Variants in SPEN observed in about 807,000 individuals in gnomAD.
SPEN encodes the protein msx2-interacting protein.
A neutral mutation model predicts 269.9 loss-of-function variants in SPEN; 18 were observed. The observed-to-expected ratio is 0.07, with a 90% CI of 0.05 to 0.10. The LOEUF (loss-of-function observed/expected upper bound fraction) is 0.10. Among genes scored for constraint, SPEN ranks in the 10% least tolerant of loss-of-function variants. The pLI is 1.00. For missense variants in SPEN, 3,822 were observed against 4,631.2 expected (o/e 0.83, Z 5.07); for synonymous variants, 1,726 against 1,765.7 (o/e 0.98, Z 0.56).
intron 3 of SPEN, among the ~76,000 whole-genome samples, chr1:15,884,111 G>A (rs1454945449): frequency 6.6e-6 from 1 of 151,946 alleles, no homozygotes; most frequent in African/African-American, 2.4e-5. Context: ...CGCTCGGCTT[G>A]TTTTATGGGT....
At chr1:15,866,651 C>G (rs2070514985) in intron 1 of SPEN, among the ~76,000 whole-genome samples, 1 of 152,130 alleles carries the variant, frequency 6.6e-6, no homozygotes, top group Non-Finnish European at 1.5e-5. Flanking sequence ...CCGCGCCCGG[C>G]TGGAATACAT....
rs769313994 is a variant in SPEN at position 15,929,366 on chromosome 1, A to G, written c.3126A>G (p.Lys1042=). 8.1e-6 allele frequency: 13 copies of G among 1,613,252 alleles called. No homozygotes were observed. The highest frequency in any genetic ancestry group is 1.1e-5 in the Non-Finnish European group (13 of 1,179,744). Residue 1042 remains lysine, a synonymous_variant, in exon 11 of 15, where the codon AAA becomes AAG. Coordinates refer to ENST00000375759, the MANE Select transcript of SPEN (RefSeq NM_015001.3). The surrounding 1 kb of genome is among the most constrained non-coding windows in gnomAD (Gnocchi z 5.8). ...AGGCTGAAAGAAAGCCTGTGAGGAA[A>G]GAAATTCTTAAAAGAGAATCTAAAA... ...EGEAERKPVR[K]EILKRESKKI...
In SPEN at chr1:15,937,167, C is replaced by A. The variant is rs2071283919; in HGVS notation, c.10031C>A (p.Pro3344His). 1 of 1,610,006 alleles carries A rather than the reference C, an allele frequency of 6.2e-7. No individual in the cohort carries two copies. Among genetic ancestry groups the A allele is most frequent in the Admixed American group, 1.7e-5 (1 of 59,884 alleles). The change falls in exon 12 of 15, where the codon CCT (proline) becomes CAT (histidine). Residue 3344 changes from proline to histidine, a missense_variant. Coordinates refer to ENST00000375759, the MANE Select transcript of SPEN (RefSeq NM_015001.3). This position sits in a 1 kb window ranked among gnomAD's most constrained non-coding sequence, Gnocchi z 5.7. ...TGCCTTCCTTCCCTACACCAGGGCC[C>A]TCCTCCTGAAGGTGAGCCCCTGCAG... ...PSRTKTAAQG[P>H]PPEGEPLQPP...
chr1:15,866,390 G>C (rs2070509709), intron 1 of SPEN, among the ~76,000 whole-genome samples: 1 of 152,202 alleles, frequency 6.6e-6, no homozygotes, highest in African/African-American at 2.4e-5. Flanking sequence ...GTCTCACTCT[G>C]TTTCCCAGGC....
intron 6 of SPEN, among the ~76,000 whole-genome samples, chr1:15,918,153 T>C (rs1433964518): frequency 6.6e-6 from 1 of 152,242 alleles, no homozygotes; most frequent in Middle Eastern, 3.2e-3. Flanking sequence ...TATTTATTTA[T>C]TTATTTATTG....
chr1:15,901,629 G>A (rs1444503307), intron 3 of SPEN, among the ~76,000 whole-genome samples: 8 of 122,894 alleles, frequency 6.5e-5, no homozygotes, highest in South Asian at 2.7e-4. Flanking sequence ...CAGCCTGGGT[G>A]ACAAAGTGAG....
chr1:15,919,826 T>G (rs954742101), intron 8 of SPEN, among the ~76,000 whole-genome samples: 1 of 152,216 alleles, frequency 6.6e-6, no homozygotes, highest in African/African-American at 2.4e-5. Flanking sequence ...TTAGATAGTC[T>G]GACTATATAG....
At position 15,876,473 on chromosome 1, in the gene SPEN, C is replaced by G; in HGVS notation, c.676C>G (p.Arg226Gly). 2 of 1,614,036 alleles carry G rather than the reference C, an allele frequency of 1.2e-6. No homozygotes were observed. Among genetic ancestry groups the G allele is most frequent in the Non-Finnish European group, 1.7e-6 (2 of 1,180,002 alleles). ...HRDIYRDDITREVRGRRPERN... is the reference protein window; with the variant it reads ...HRDIYRDDITGEVRGRRPERN... The stretch of plus-strand genomic sequence containing the variant: ...GGATATCTACAGGGATGATATTACC[C>G]GGGAGGTACGAGGCAGAAGGCCAGA... Residue 226 changes from arginine (R) to glycine (G), a missense_variant, in exon 3 of 15, where the codon CGG becomes GGG. Around this residue, in one of 16 missense-constraint regions of SPEN, gnomAD observed 327 missense variants for 350.8 expected, o/e 0.93. Coordinates refer to ENST00000375759, the MANE Select transcript of SPEN (RefSeq NM_015001.3).
At chr1:15,889,164 CTTTTT>C (rs56721891) in intron 3 of SPEN, among the ~76,000 whole-genome samples, 2 of 124,928 alleles carry the variant, frequency 1.6e-5, no homozygotes, top group African/African-American at 6.3e-5. Context: ...CTTTTCTTTT[CTTTTT>C]TTTTTTTTTT....
chr1:15,870,775 G>A (rs2070565274), intron 1 of SPEN, among the ~76,000 whole-genome samples: 1 of 152,064 alleles, frequency 6.6e-6, no homozygotes, highest in Admixed American at 6.6e-5. Flanking sequence ...AGAATTCCTT[G>A]GATTTTAGCA....
At chr1:15,860,899 C>CTTTTGTTTTG (rs768720695) in intron 1 of SPEN, among the ~76,000 whole-genome samples, 2 of 151,450 alleles carry the variant, frequency 1.3e-5, no homozygotes, top group Non-Finnish European at 1.5e-5. Context: ...TGTGCCCGGA[C>CTTTTGTTTTG]TTTTGTTTTG....
In SPEN at chr1:15,928,974, G is replaced by T; in HGVS notation, c.2734G>T (p.Ala912Ser). ...TGATAATGACACTGTCAAATCTTCT[G>T]CCCTGGACCAGAAACTTCAGGTCTC... ...KLDNDTVKSSALDQKLQVSQT... is the reference protein window; with the variant it reads ...KLDNDTVKSSSLDQKLQVSQT... Residue 912 changes from alanine (A) to serine (S), a missense_variant, in exon 11 of 15, where the codon GCC (alanine) becomes TCC (serine). Ala to Ser is a moderately conservative substitution (Grantham distance 99, BLOSUM62 1). This residue lies in a region of SPEN where 572 missense variants were observed against 582.6 expected (regional missense o/e 0.98). Coordinates refer to ENST00000375759, the MANE Select transcript of SPEN (RefSeq NM_015001.3). The surrounding 1 kb of genome is among the most constrained non-coding windows in gnomAD (Gnocchi z 5.7). 6.2e-7 allele frequency: 1 copy of T among 1,614,228 alleles called. No homozygotes were observed. The highest frequency in any genetic ancestry group is 8.5e-7 in the Non-Finnish European group (1 of 1,180,042).
At chr1:15,873,895 T>C (rs1156840714) in intron 2 of SPEN, 1 of 1,134,900 alleles carries the variant, frequency 8.8e-7, no homozygotes, top group African/African-American at 1.6e-5. Context: ...AGAGGATTAC[T>C]ATATCATTTC....
At chr1:15,925,150 T>C (rs2071154263) in intron 10 of SPEN, among the ~76,000 whole-genome samples, 1 of 152,206 alleles carries the variant, frequency 6.6e-6, no homozygotes, top group African/African-American at 2.4e-5. Flanking sequence ...TAACCCTTTT[T>C]ATGGAAGGAA....
chr1:15,848,878 G>C lies in SPEN; in HGVS notation c.83+728G>C, dbSNP rs1221977809. Among the ~76,000 whole-genome samples, 1 of 152,130 alleles carries C rather than the reference G, an allele frequency of 6.6e-6. No homozygotes were observed. Among genetic ancestry groups the C allele is most frequent in the African/African-American group, 2.4e-5 (1 of 41,432 alleles). On this transcript the variant is annotated intron_variant, in intron 1 of 14. Coordinates refer to ENST00000375759, the MANE Select transcript of SPEN (RefSeq NM_015001.3). The surrounding 1 kb of genome is among the most constrained non-coding windows in gnomAD (Gnocchi z 5.1). ...GAGGTTGCTAGCCCCGGCGCCCGTA[G>C]CCTCGGGTCGCACTCCCAGGCCGCC...
intron 1 of SPEN, among the ~76,000 whole-genome samples, chr1:15,853,424 C>T (rs895967783): frequency 2.1e-4 from 32 of 151,044 alleles, no homozygotes; most frequent in Non-Finnish European, 2.8e-4. Context: ...TGACCTCAGG[C>T]GACCCACCTG....
rs767634168 is a variant in SPEN at position 15,935,390 on chromosome 1, C to G, written c.9150C>G (p.Leu3050=). 58 of 1,614,044 alleles carry G rather than the reference C, an allele frequency of 3.6e-5. No individual in the cohort carries two copies. The East Asian group carries it at 1.2e-3, about 35-fold the overall frequency. The change falls in exon 11 of 15, where the codon CTC becomes CTG. Residue 3050 remains leucine (L), a synonymous_variant. Coordinates refer to ENST00000375759, the MANE Select transcript of SPEN (RefSeq NM_015001.3). The surrounding 1 kb of genome is among the most constrained non-coding windows in gnomAD (Gnocchi z 7.7). ...CCAGCAGTACTGCATCTACGGCGCT[C>G]TCCACCAACGCCACAGTCATGCTGG... ...SHPSSTASTA[L]STNATVMLAA...
intron 3 of SPEN, among the ~76,000 whole-genome samples, chr1:15,906,959 G>A (rs1467549438): frequency 6.6e-6 from 1 of 151,000 alleles, no homozygotes; most frequent in African/African-American, 2.4e-5. Flanking sequence ...TTTTTCTTTT[G>A]TAGGGGATGG....
chr1:15,874,337 C>T lies in SPEN; in HGVS notation c.404+1201C>T, dbSNP rs771433486. The T allele has an allele frequency of 6.6e-6, 9 of 1,366,422 alleles. No homozygotes were observed. In the South Asian group the frequency reaches 9.1e-5, roughly 14 times the overall value. 84.6% of individuals were successfully genotyped at this position (1,366,422 alleles called of 1,614,324 possible). On this transcript the variant is annotated intron_variant, in intron 2 of 14. Coordinates refer to ENST00000375759, the MANE Select transcript of SPEN (RefSeq NM_015001.3). ...GGGCCAAAATTGGGGAAGTTATGTT[C>T]ACAATTCTCTCCCTAGATTTAATTG...
Sources: gnomAD v4.1 joint callset for allele counts (sites outside exome capture counted in the v4.1 genomes callset) on GRCh38, gnomAD v4.1.1 for gene constraint, gnomAD v4.1.1 regional missense constraint, Gnocchi (gnomAD v3.1) non-coding constraint, MANE v1.5 for transcripts, NCBI Gene and HGNC (gene_info 2026-07-23, HGNC 2026-07-21) for gene names.